Variants in RFX3 observed in about 807,000 individuals in gnomAD.
The protein encoded by RFX3 is regulatory factor X3.
Under a neutral mutation model 98.6 loss-of-function variants are expected in RFX3, and 14 were observed. The ratio of observed to expected loss-of-function variants is 0.14; its 90% CI spans 0.09 to 0.22. The LOEUF is 0.22. Among genes scored for constraint, RFX3 ranks in the 10% least tolerant of loss-of-function variants. The pLI, the probability that RFX3 is intolerant of heterozygous loss-of-function variation, is 1.00. For missense variants in RFX3, 639 were observed against 926.9 expected (o/e 0.69, Z 4.03); for synonymous variants, 383 against 328.4 (o/e 1.17, Z -1.80).
intron 1 of RFX3, among the ~76,000 whole-genome samples, chr9:3,482,316 C>T (rs941165753): frequency 1.4e-4 from 21 of 151,726 alleles, no homozygotes; most frequent in African/African-American, 4.6e-4. Context: ...CAGAAGCACA[C>T]CCAAGAGTGC....
chr9:3,277,975 T>C (rs1299172109), intron 7 of RFX3, among the ~76,000 whole-genome samples: 1 of 151,950 alleles, frequency 6.6e-6, no homozygotes, highest in Non-Finnish European at 1.5e-5. Context: ...CACATTTATC[T>C]CCATGACAAT....
At chr9:3,397,732 A>G (rs1240865248) in intron 1 of RFX3, among the ~76,000 whole-genome samples, 1 of 152,208 alleles carries the variant, frequency 6.6e-6, no homozygotes, top group African/African-American at 2.4e-5. Context: ...TGAAACCCCT[A>G]AAGCAGCACA....
At chr9:3,359,855 T>A (rs1002270971) in intron 2 of RFX3, among the ~76,000 whole-genome samples, 2 of 152,332 alleles carry the variant, frequency 1.3e-5, no homozygotes, top group East Asian at 3.9e-4. Context: ...GCATGCTATT[T>A]TCTCGTTCTA....
chr9:3,403,102 C>A (rs147613150), intron 1 of RFX3, among the ~76,000 whole-genome samples: 56 of 152,070 alleles, frequency 3.7e-4, no homozygotes, highest in African/African-American at 1.3e-3. Context: ...TTTCTTAAAA[C>A]TCTGACAAAA....
chr9:3,244,299 C>A (rs1190535142), intron 15 of RFX3, among the ~76,000 whole-genome samples: 2 of 152,154 alleles, frequency 1.3e-5, no homozygotes, highest in African/African-American at 4.8e-5. Context: ...AGCCACCAAG[C>A]CCGGCCTCTT....
chr9:3,277,209 G>C, intron 8 of RFX3, 131 bp downstream of exon 8: 1 of 777,494 alleles, frequency 1.3e-6, no homozygotes, highest in Non-Finnish European at 2.1e-6. Context: ...TTATACATAT[G>C]ATGTGCATAA....
intron 2 of RFX3, among the ~76,000 whole-genome samples, chr9:3,358,712 T>G (rs1197672930): frequency 2.6e-5 from 4 of 152,098 alleles, no homozygotes; most frequent in Admixed American, 2.6e-4. Flanking sequence ...AAAAAATACC[T>G]GAGACTGGGT....
chr9:3,464,304 T>A (rs1472309028), intron 1 of RFX3, among the ~76,000 whole-genome samples: 1 of 152,178 alleles, frequency 6.6e-6, no homozygotes, highest in Non-Finnish European at 1.5e-5. Context: ...AATAAAAACA[T>A]ATGTCCATAA....
chr9:3,274,136 A>G (rs968204312), intron 9 of RFX3, among the ~76,000 whole-genome samples: 5 of 152,204 alleles, frequency 3.3e-5, no homozygotes, highest in African/African-American at 9.6e-5. Context: ...GTTGAAGAAC[A>G]CTTCTGGCAC....
intron 3 of RFX3, among the ~76,000 whole-genome samples, chr9:3,336,348 G>T (rs1384126905): frequency 6.6e-6 from 1 of 151,672 alleles, no homozygotes; most frequent in Non-Finnish European, 1.5e-5. Flanking sequence ...GGAGAAAGTG[G>T]GCAAAAATTA....
intron 2 of RFX3, among the ~76,000 whole-genome samples, chr9:3,390,751 C>G (rs1840229154): frequency 2.0e-5 from 3 of 152,128 alleles, no homozygotes; most frequent in Non-Finnish European, 4.4e-5. Flanking sequence ...TAAGACATGA[C>G]TTGTTCCCCC....
chr9:3,464,653 G>A (rs144189008), intron 1 of RFX3, among the ~76,000 whole-genome samples: 147 of 152,256 alleles, frequency 9.7e-4, no homozygotes, highest in African/African-American at 3.3e-3. Flanking sequence ...ACAAACTTGT[G>A]GGGGTGATGG....
intron 13 of RFX3, among the ~76,000 whole-genome samples, chr9:3,258,210 C>A (rs1002534063): frequency 6.6e-6 from 1 of 152,096 alleles, no homozygotes; most frequent in African/African-American, 2.4e-5. Context: ...AAGCTGGGTT[C>A]ATTGTGTCCA....
chr9:3,330,197 A>T, intron 4 of RFX3, 62 bp downstream of exon 4: 1 of 1,539,972 alleles, frequency 6.5e-7, no homozygotes, highest in South Asian at 1.2e-5. Context: ...CCTCTATCAA[A>T]GGAAATGTTC....
At chr9:3,494,647 AAAT>A (rs1288892536) in intron 1 of RFX3, among the ~76,000 whole-genome samples, 1 of 152,190 alleles carries the variant, frequency 6.6e-6, no homozygotes, top group African/African-American at 2.4e-5. Context: ...CATTAATTTA[AAAT>A]AATAGTAATC....
chr9:3,300,890 C>T (rs1469753949), intron 5 of RFX3, among the ~76,000 whole-genome samples: 1 of 151,882 alleles, frequency 6.6e-6, no homozygotes, highest in Non-Finnish European at 1.5e-5. Flanking sequence ...TTACCAGTGT[C>T]ATAGTGATAT....
At chr9:3,298,015 A>G (rs1184705755) in intron 5 of RFX3, among the ~76,000 whole-genome samples, 4 of 152,026 alleles carry the variant, frequency 2.6e-5, no homozygotes, top group African/African-American at 9.6e-5. Context: ...AATGAAAAGA[A>G]TTAAATATTT....
intron 11 of RFX3, 110 bp from the exon 12 acceptor site, chr9:3,266,415 T>A: frequency 1.8e-6 from 1 of 546,406 alleles, no homozygotes; most frequent in South Asian, 3.1e-5. Context: ...AGCACAGAAC[T>A]CATATTGTCC....
At chr9:3,320,472 A>T (rs1831134499) in intron 4 of RFX3, among the ~76,000 whole-genome samples, 1 of 151,838 alleles carries the variant, frequency 6.6e-6, no homozygotes, top group East Asian at 1.9e-4. Context: ...GAATCACTTG[A>T]ACCTGGGAGT....
Sources: allele counts gnomAD v4.1 joint callset (sites outside exome capture counted in the v4.1 genomes callset), GRCh38; gene constraint gnomAD v4.1.1; transcripts MANE v1.5; gene names NCBI Gene and HGNC (gene_info 2026-07-23, HGNC 2026-07-21).